Variants in CCDC149 observed in about 807,000 individuals in gnomAD.
CCDC149 encodes the protein coiled-coil domain containing 149.
In CCDC149, 45 loss-of-function variants were observed where a neutral mutation model predicts 59.9. That is an observed-to-expected ratio of 0.75 (90% confidence interval 0.59 to 0.96). The LOEUF (loss-of-function observed/expected upper bound fraction) is 0.96, where lower values mean the gene tolerates loss of function less well. Ranked by LOEUF, CCDC149 falls within the 40% of genes least tolerant of loss-of-function variation. The probability of loss-of-function intolerance (pLI) is 0.00; values close to 1 mark genes in which losing one functional copy is unlikely to be tolerated. For synonymous variants in CCDC149, 245 were observed against 260.6 expected (o/e 0.94, Z 0.58); for missense variants, 584 against 664.7 (o/e 0.88, Z 1.33).
chr4:24,891,558 A>G (rs1389849592), intron 1 of CCDC149, among the ~76,000 whole-genome samples: 1 of 152,238 alleles, frequency 6.6e-6, no homozygotes, highest in African/African-American at 2.4e-5. Flanking sequence ...TCAGGAGAAC[A>G]TTTAAATGAC....
At chr4:24,878,832 T>C (rs117429550) in intron 1 of CCDC149, among the ~76,000 whole-genome samples, 1 of 152,188 alleles carries the variant, frequency 6.6e-6, no homozygotes, top group Non-Finnish European at 1.5e-5. Context: ...ACTGTCAAAG[T>C]GGAAATTCAA....
intron 1 of CCDC149, among the ~76,000 whole-genome samples, chr4:24,979,274 T>G (rs1396771741): frequency 6.6e-6 from 1 of 152,172 alleles, no homozygotes; most frequent in Non-Finnish European, 1.5e-5. Flanking sequence ...CCAGCTTGGG[T>G]GTACACCACC....
chr4:24,905,130 G>A (rs1280154668), intron 1 of CCDC149, among the ~76,000 whole-genome samples: 2 of 151,910 alleles, frequency 1.3e-5, no homozygotes, highest in Non-Finnish European at 2.9e-5. Flanking sequence ...TTGAACTCCT[G>A]ACCTCATGAT....
intron 1 of CCDC149, among the ~76,000 whole-genome samples, chr4:24,959,247 T>C (rs1466782995): frequency 6.6e-6 from 1 of 152,164 alleles, no homozygotes; most frequent in Non-Finnish European, 1.5e-5. Context: ...GTGCTGGGAT[T>C]ACAGGCGTGA....
At chr4:24,832,898 C>T (rs1237364186) in intron 8 of CCDC149, among the ~76,000 whole-genome samples, 1 of 152,112 alleles carries the variant, frequency 6.6e-6, no homozygotes, top group African/African-American at 2.4e-5. Context: ...TATGTTTTCC[C>T]AGTTATGCTT....
intron 1 of CCDC149, among the ~76,000 whole-genome samples, chr4:24,908,269 G>C (rs1002261510): frequency 3.3e-5 from 5 of 152,152 alleles, no homozygotes; most frequent in African/African-American, 1.2e-4. Context: ...TGTACCAAGA[G>C]AAAGGCAGGG....
In CCDC149 at chr4:24,855,770, A is replaced by T. The variant is rs1356163890; in HGVS notation, c.265-2591T>A. 2.6e-5 allele frequency among the ~76,000 whole-genome samples: 4 copies of T among 152,174 alleles called. No individual in the cohort carries two copies. In the East Asian group the frequency reaches 7.7e-4, roughly 29 times the overall value. On this transcript the variant is annotated intron_variant, in intron 3 of 12. Transcript: ENST00000635206. ...AATTTTCCCAGATTTCTGTTCTCCT[A>T]AGACAAAAATTTAGTGATGGATGAG...
intron 1 of CCDC149, among the ~76,000 whole-genome samples, chr4:24,970,708 A>G (rs184889779): frequency 6.6e-6 from 1 of 152,130 alleles, no homozygotes; most frequent in East Asian, 1.9e-4. Flanking sequence ...GGCCTTACCA[A>G]CCAGTGGACT....
chr4:24,845,003 A>G (rs1487536480), intron 4 of CCDC149, among the ~76,000 whole-genome samples: 2 of 152,098 alleles, frequency 1.3e-5, no homozygotes, highest in African/African-American at 4.8e-5. Flanking sequence ...GAACTTGCCT[A>G]TGTCACAAAT....
At chr4:24,955,560 C>A (rs1309781962) in intron 1 of CCDC149, among the ~76,000 whole-genome samples, 4 of 152,122 alleles carry the variant, frequency 2.6e-5, no homozygotes, top group Non-Finnish European at 4.4e-5. Context: ...CTGACACATA[C>A]TACAACATGG....
intron 1 of CCDC149, among the ~76,000 whole-genome samples, chr4:24,899,030 C>T (rs1293663631): frequency 6.6e-6 from 1 of 152,110 alleles, no homozygotes; most frequent in Non-Finnish European, 1.5e-5. Context: ...CCTAGAAAGC[C>T]ATCAGAGAGC....
chr4:24,937,673 T>C (rs752335403), intron 1 of CCDC149, among the ~76,000 whole-genome samples: 6 of 152,208 alleles, frequency 3.9e-5, no homozygotes, highest in Non-Finnish European at 7.3e-5. Context: ...GGAGAAAAGC[T>C]GGAGCGTTAC....
intron 2 of CCDC149, among the ~76,000 whole-genome samples, chr4:24,874,273 T>G (rs1357769651): frequency 6.8e-5 from 3 of 43,854 alleles, no homozygotes; most frequent in East Asian, 4.2e-4. Context: ...TTGTTTTTTT[T>G]TGTTTTTTTG....
At chr4:24,914,199 G>T (rs1028440932), upstream of CCDC149, among the ~76,000 whole-genome samples, 2 of 152,038 alleles carry the variant, frequency 1.3e-5, no homozygotes, top group South Asian at 2.1e-4. Flanking sequence ...TAGCATCTTG[G>T]AAATCTAAGA....
intron 12 of CCDC149, among the ~76,000 whole-genome samples, chr4:24,811,478 T>C (rs1274188410): frequency 6.6e-6 from 1 of 152,174 alleles, no homozygotes; most frequent in Non-Finnish European, 1.5e-5. Context: ...TCTGTGAGCA[T>C]GCTGTATTCG....
At chr4:24,848,655 G>C (rs150703314) in intron 4 of CCDC149, among the ~76,000 whole-genome samples, 1,868 of 152,144 alleles carry the variant, frequency 0.012, 15 homozygotes, top group Non-Finnish European at 0.019. Flanking sequence ...ACATGCCAAA[G>C]AGAAGCCACA....
chr4:24,908,986 G>A (rs1015981264), intron 1 of CCDC149, among the ~76,000 whole-genome samples: 3 of 152,188 alleles, frequency 2.0e-5, no homozygotes, highest in Non-Finnish European at 4.4e-5. Flanking sequence ...CACCTCAGGT[G>A]GCGATAAGAA....
intron 4 of CCDC149, among the ~76,000 whole-genome samples, 156 bp downstream of exon 4, chr4:24,852,916 G>C (rs750477818): frequency 6.6e-6 from 1 of 151,916 alleles, no homozygotes; most frequent in Non-Finnish European, 1.5e-5. Context: ...ATGTAAAAAG[G>C]TAAGATACGC....
chr4:24,836,509 C>T lies in CCDC149; in HGVS notation c.663-1G>A. ...TTGCTTTAATCTCTCTTGAAGGTAC[C>T]TGAAAAAGAATACATAAAACTAGGA... is the stretch of plus-strand genomic sequence containing the variant. On this transcript the variant is annotated splice_acceptor_variant, in intron 6 of 12. Transcript: ENST00000635206. LOFTEE classifies it high-confidence loss of function. The T allele has an allele frequency of 2.5e-6, 4 of 1,600,664 alleles. No homozygotes were observed. The highest frequency in any genetic ancestry group is 2.6e-6 in the Non-Finnish European group (3 of 1,168,934).
Sources: allele counts gnomAD v4.1 joint callset (sites outside exome capture counted in the v4.1 genomes callset), GRCh38; gene constraint gnomAD v4.1.1; transcripts MANE v1.5; gene names NCBI Gene and HGNC (gene_info 2026-07-23, HGNC 2026-07-21).